Variants in SNAP47 observed in about 807,000 individuals in gnomAD.
SNAP47 encodes synaptosome associated protein 47.
A neutral mutation model predicts 31.4 loss-of-function variants in SNAP47; 20 were observed. That is an observed-to-expected ratio of 0.64 (90% CI 0.45 to 0.93). The LOEUF (loss-of-function observed/expected upper bound fraction) is 0.93. Ranked by LOEUF, SNAP47 falls within the 40% of genes least tolerant of loss-of-function variation. SNAP47 has a pLI of 0.00. For synonymous variants in SNAP47, 194 were observed against 213.4 expected, an observed-to-expected ratio of 0.91 and a Z score of 0.79; for missense variants, 492 against 528.5, an observed-to-expected ratio of 0.93 and a Z score of 0.68.
chr1:227,744,475 C>T (rs1281623374), intron 1 of SNAP47, among the ~76,000 whole-genome samples: 3 of 152,118 alleles, frequency 2.0e-5, no homozygotes, highest in Admixed American at 6.5e-5. Flanking sequence ...GTGAAGGAGT[C>T]GGGTCATTTC....
upstream of SNAP47, chr1:227,732,673 T>C (rs749984227): frequency 7.4e-6 from 12 of 1,612,540 alleles, no homozygotes; most frequent in African/African-American, 2.7e-5. Context: ...GACCTCATGA[T>C]GACCTGGGCA....
intron 1 of SNAP47, among the ~76,000 whole-genome samples, chr1:227,737,653 A>T (rs933656670): frequency 1.3e-5 from 2 of 152,152 alleles, no homozygotes; most frequent in African/African-American, 2.4e-5. Context: ...ACTCTTTCCA[A>T]GGGGTGTGAG....
rs540732076 is a variant in SNAP47 at position 227,751,744 on chromosome 1, G to GTTTTTTTTTTTTT, written c.497+3536_497+3548dup. On this transcript the variant is annotated intron_variant, in intron 2 of 4. Coordinates refer to ENST00000617596, the MANE Select transcript of SNAP47 (RefSeq NM_053052.4). The stretch of plus-strand genomic sequence containing the variant: ...ATGGGGCCAATTACATAAAGACTTG[G>GTTTTTTTTTTTTT]TTTTTTTTTTTTTTTTTTTTTTTTT... 1.0e-4 allele frequency among the ~76,000 whole-genome samples: 7 copies of GTTTTTTTTTTTTT among 69,198 alleles called. 2 individuals carry two copies. Among genetic ancestry groups the GTTTTTTTTTTTTT allele is most frequent in the East Asian group, 4.5e-4 (1 of 2,206 alleles). The allele number at this position is 69,198 out of a possible 152,430, so 45.4% of individuals were successfully genotyped here. A position where few individuals can be genotyped will look rare whatever the true frequency, so the allele number is the denominator to read the frequency against.
rs116840345 is a variant in SNAP47, at chr1:227,771,803, C to T, written c.1113+4720C>T. Among the ~76,000 whole-genome samples, 1,297 of 152,220 alleles carry T rather than the reference C, an allele frequency of 8.5e-3. 16 individuals are homozygous for T. The highest frequency in any genetic ancestry group is 0.029 in the African/African-American group (1,222 of 41,530). On this transcript the variant is annotated intron_variant, in intron 4 of 4. Coordinates refer to ENST00000617596, the MANE Select transcript of SNAP47 (RefSeq NM_053052.4). ...GCCCATGGCTTCAGAGTGATGGGGA[C>T]AGGAGGCCATGCCAGGCACAGCCCT...
In SNAP47 at chr1:227,773,562, G is replaced by A. The variant is rs905346713; in HGVS notation, c.1113+6479G>A. Among the ~76,000 whole-genome samples, 13 of 152,284 alleles carry A rather than the reference G, an allele frequency of 8.5e-5. 1 individual carries two copies. The highest frequency in any genetic ancestry group is 6.8e-3 in the Middle Eastern group (2 of 294). On this transcript the variant is annotated intron_variant, in intron 4 of 4. Coordinates refer to ENST00000617596, the MANE Select transcript of SNAP47 (RefSeq NM_053052.4). ...TGTTCAGTCATGCCTAAGCCTTCAC[G>A]CTCACTCACCACACACCCAGGGCCG...
At chr1:227,777,566 AAAG>A (rs1414308027) in intron 4 of SNAP47, among the ~76,000 whole-genome samples, 1 of 152,182 alleles carries the variant, frequency 6.6e-6, no homozygotes, top group East Asian at 1.9e-4. Context: ...ACTGTATATA[AAAG>A]AAGAATATGA....
intron 1 of SNAP47, chr1:227,735,770 G>A: frequency 1.0e-6 from 1 of 952,564 alleles, no homozygotes; most frequent in Non-Finnish European, 1.3e-6. Context: ...CTGGGATGGT[G>A]GGATCTAGCG....
rs1172296783 is a variant in SNAP47, at chr1:227,748,059, C to G, written c.323C>G (p.Ala108Gly). The change falls in exon 2 of 5, where the codon GCC (alanine) becomes GGC (glycine). Residue 108 changes from alanine (A) to glycine (G), a missense_variant. Transcript: ENST00000617596. The stretch of plus-strand genomic sequence containing the variant: ...GAGCTGCTGCTGTCTCAGCCTGGAG[C>G]CGTGGCAGACGCATCTGTCCCAAGG... ...WRELLLSQPGAVADASVPRTR... is the reference protein window; with the variant it reads ...WRELLLSQPGGVADASVPRTR... 1 of 1,614,144 alleles carries G rather than the reference C, an allele frequency of 6.2e-7. No individual in the cohort carries two copies. The highest frequency in any genetic ancestry group is 8.5e-7 in the Non-Finnish European group (1 of 1,180,004).
Position 227,770,128 on chromosome 1 carries a change from C to T in SNAP47, c.1113+3045C>T, listed in dbSNP as rs1320667721. 2.6e-5 allele frequency among the ~76,000 whole-genome samples: 4 copies of T among 152,332 alleles called. No homozygotes were observed. In the South Asian group the frequency reaches 6.2e-4, roughly 24 times the overall value. On this transcript the variant is annotated intron_variant, in intron 4 of 4. Coordinates refer to ENST00000617596, the MANE Select transcript of SNAP47 (RefSeq NM_053052.4). ...CAGGTCCCAGGGGTTGCTTGGGTGA[C>T]GCCTCAGCCTCCTGCCTTATGGCAT...
chr1:227,737,398 A>C (rs1459887444), intron 1 of SNAP47, among the ~76,000 whole-genome samples: 2 of 152,216 alleles, frequency 1.3e-5, no homozygotes, highest in African/African-American at 4.8e-5. Context: ...TGGTTTGCAC[A>C]CAGTGCGAGG....
chr1:227,732,196 C>T (rs1660694119), upstream of SNAP47: 2 of 634,822 alleles, frequency 3.2e-6, no homozygotes, highest in Non-Finnish European at 2.8e-6. Context: ...AGAAGGGCCA[C>T]ATCCCATCTT....
chr1:227,729,781 A>G (rs7527737), intron 1 of SNAP47, among the ~76,000 whole-genome samples: 2,829 of 152,284 alleles, frequency 0.019, 88 homozygotes, highest in African/African-American at 0.065. Context: ...GATTCCAGCC[A>G]ATCACAATTG....
chr1:227,733,049 C>A, upstream of SNAP47: 1 of 1,612,142 alleles, frequency 6.2e-7, no homozygotes, highest in Non-Finnish European at 8.5e-7. Context: ...ACAGTGCAGG[C>A]AGGCCTGAGC....
Position 227,741,566 on chromosome 1 carries a change from C to T in SNAP47, c.-46+6067C>T, listed in dbSNP as rs1217906575. On this transcript the variant is annotated intron_variant, in intron 1 of 4. Coordinates refer to ENST00000617596, the MANE Select transcript of SNAP47 (RefSeq NM_053052.4). The surrounding 1 kb of genome is among the most constrained non-coding windows in gnomAD (Gnocchi z 4.2). ...GTGACGGAGACCATGCGTGGTCCTT[C>T]ACGGAGAGTGCAGTGCCTGGCATGG... is the stretch of plus-strand genomic sequence containing the variant. 6.6e-6 allele frequency among the ~76,000 whole-genome samples: 1 copy of T among 152,172 alleles called. No individual in the cohort carries two copies. The highest frequency in any genetic ancestry group is 1.9e-4 in the East Asian group (1 of 5,188).
chr1:227,760,287 G>T (rs1475714296), intron 3 of SNAP47, among the ~76,000 whole-genome samples: 1 of 152,136 alleles, frequency 6.6e-6, no homozygotes, highest in Non-Finnish European at 1.5e-5. Flanking sequence ...CCCCTGGTGG[G>T]GCCATTCCCA....
intron 4 of SNAP47, among the ~76,000 whole-genome samples, chr1:227,772,441 T>G (rs1015745215): frequency 1.3e-5 from 2 of 151,586 alleles, no homozygotes; most frequent in Non-Finnish European, 2.9e-5. Context: ...TGTGCCTGCC[T>G]TATTTCACTT....
intron 2 of SNAP47, among the ~76,000 whole-genome samples, chr1:227,757,521 A>G (rs1662771788): frequency 6.6e-6 from 1 of 152,258 alleles, no homozygotes; most frequent in Non-Finnish European, 1.5e-5. Flanking sequence ...ATAATGATAC[A>G]TAATCTTGAC....
chr1:227,776,633 T>A lies in SNAP47; in HGVS notation c.1114-3894T>A, dbSNP rs914821175. 3.0e-6 allele frequency: 3 copies of A among 985,368 alleles called. No individual in the cohort carries two copies. The African/African-American group carries it at 5.2e-5, about 17-fold the overall frequency. 61.0% of individuals were successfully genotyped at this position (985,368 alleles called of 1,614,324 possible). Reference sequence around the variant, plus strand: ...TTCTCCATTCTTTCCATCCCTGTTATGTGGAATGCACACGATGCCATGTAA... The same window carrying A: ...TTCTCCATTCTTTCCATCCCTGTTAAGTGGAATGCACACGATGCCATGTAA... On this transcript the variant is annotated intron_variant, in intron 4 of 4. Coordinates refer to ENST00000617596, the MANE Select transcript of SNAP47 (RefSeq NM_053052.4).
chr1:227,753,420 ATTC>A (rs1288477320), intron 2 of SNAP47, among the ~76,000 whole-genome samples: 1 of 152,100 alleles, frequency 6.6e-6, no homozygotes, highest in African/African-American at 2.4e-5. Flanking sequence ...TTCACGGGGC[ATTC>A]TTATCTTTTC....
Sources: gnomAD v4.1 joint callset for allele counts (sites outside exome capture counted in the v4.1 genomes callset) on GRCh38, gnomAD v4.1.1 for gene constraint, Gnocchi (gnomAD v3.1) non-coding constraint, MANE v1.5 for transcripts, NCBI Gene and HGNC (gene_info 2026-07-23, HGNC 2026-07-21) for gene names.